The following MTUS2 variants were observed in gnomAD, a reference collection of about 807,000 sequenced individuals.
MTUS2 encodes microtubule-associated tumor suppressor candidate 2.
A neutral mutation model predicts 114.1 loss-of-function variants in MTUS2; 40 were observed. The ratio of observed to expected loss-of-function variants is 0.35; its 90% CI spans 0.27 to 0.46. The LOEUF (loss-of-function observed/expected upper bound fraction) is 0.46. Among genes scored for constraint, MTUS2 ranks in the 20% least tolerant of loss-of-function variants. MTUS2 has a pLI of 1.00. For missense variants in MTUS2, 1,679 were observed against 1,705.4 expected (o/e 0.98, Z 0.27); for synonymous variants, 688 against 672.0 (o/e 1.02, Z -0.37).
chr13:29,451,730 A>G (rs947020615), intron 9 of MTUS2, among the ~76,000 whole-genome samples: 4 of 151,942 alleles, frequency 2.6e-5, no homozygotes, highest in African/African-American at 9.7e-5. Flanking sequence ...GATTACAGGT[A>G]TGTGCCACCA....
intron 5 of MTUS2, among the ~76,000 whole-genome samples, chr13:29,195,760 A>T (rs938113597): frequency 1.2e-4 from 19 of 152,108 alleles, no homozygotes; most frequent in African/African-American, 4.6e-4. Flanking sequence ...TCATGAGGGG[A>T]AACAATCTCA....
chr13:29,490,532 C>T (rs576267888), intron 11 of MTUS2, among the ~76,000 whole-genome samples: 13 of 152,376 alleles, frequency 8.5e-5, no homozygotes, highest in Admixed American at 5.2e-4. Context: ...TCTTACATGA[C>T]ATCTCTTTCT....
At chr13:28,970,045 G>A (rs1883781162) in intron 2 of MTUS2, among the ~76,000 whole-genome samples, 1 of 152,220 alleles carries the variant, frequency 6.6e-6, no homozygotes, top group African/African-American at 2.4e-5. Context: ...CTCCCAAAGT[G>A]CGGGGATTAC....
At chr13:28,878,129 C>T (rs1420149931) in intron 2 of MTUS2, among the ~76,000 whole-genome samples, 7 of 151,814 alleles carry the variant, frequency 4.6e-5, no homozygotes, top group East Asian at 1.9e-4. Flanking sequence ...TTTTTGGTGA[C>T]GTTTAGTCTA....
At chr13:29,160,769 CAA>C (rs71090227) in intron 5 of MTUS2, among the ~76,000 whole-genome samples, 83 of 119,032 alleles carry the variant, frequency 7.0e-4, no homozygotes, top group East Asian at 2.6e-3. Context: ...GACTCCGTCT[CAA>C]AAAAAAAAAA....
intron 2 of MTUS2, among the ~76,000 whole-genome samples, chr13:28,846,156 C>T (rs1373470483): frequency 2.0e-5 from 3 of 151,608 alleles, no homozygotes; most frequent in Non-Finnish European, 4.4e-5. Context: ...CACTGTGGAT[C>T]GTGTTTAGGC....
At chr13:28,949,351 C>G (rs916135193) in intron 2 of MTUS2, among the ~76,000 whole-genome samples, 2 of 152,218 alleles carry the variant, frequency 1.3e-5, no homozygotes, top group African/African-American at 4.8e-5. Context: ...GGTTTGCTTA[C>G]TTGTTTCCAG....
intron 2 of MTUS2, among the ~76,000 whole-genome samples, chr13:28,850,636 T>C (rs1211072559): frequency 6.6e-6 from 1 of 152,248 alleles, no homozygotes; most frequent in East Asian, 1.9e-4. Flanking sequence ...AGAAGGGACT[T>C]GTGAAAATGA....
At chr13:29,004,127 C>A (rs1245615577) in intron 2 of MTUS2, among the ~76,000 whole-genome samples, 1 of 152,168 alleles carries the variant, frequency 6.6e-6, no homozygotes, top group African/African-American at 2.4e-5. Context: ...GAAACAATGA[C>A]AAATAATTCT....
chr13:28,892,152 A>T (rs1184183880), intron 2 of MTUS2, among the ~76,000 whole-genome samples: 2 of 151,820 alleles, frequency 1.3e-5, no homozygotes, highest in East Asian at 3.9e-4. Flanking sequence ...ATATTCCTGG[A>T]CTCCTTGAGG....
intron 6 of MTUS2, among the ~76,000 whole-genome samples, chr13:29,297,438 G>A (rs558518452): frequency 3.3e-5 from 5 of 152,274 alleles, no homozygotes; most frequent in Admixed American, 1.3e-4. Flanking sequence ...GTAGTTTAGA[G>A]AAATTAAGTA....
At chr13:29,217,290 T>C (rs894468054) in intron 5 of MTUS2, among the ~76,000 whole-genome samples, 2 of 152,198 alleles carry the variant, frequency 1.3e-5, no homozygotes, top group Non-Finnish European at 2.9e-5. Flanking sequence ...TTTTGAAATA[T>C]ATTCATATTG....
At position 29,445,516 on chromosome 13, in the gene MTUS2, G is replaced by T. The variant is rs549909748; in HGVS notation, c.3184+5467G>T. Among the ~76,000 whole-genome samples the T allele has an allele frequency of 4.6e-5, 7 of 152,288 alleles. No individual in the cohort carries two copies. The South Asian group carries it at 8.3e-4, about 18-fold the overall frequency. ...GCATAGAGCAAGGTATATGGCAGGG[G>T]GTGAGGTGGGGAGTTTCCATGCCCT... On this transcript the variant is annotated intron_variant, in intron 9 of 15. Transcript: ENST00000612955.
chr13:29,098,220 A>G (rs1890257220), intron 4 of MTUS2, among the ~76,000 whole-genome samples: 1 of 152,214 alleles, frequency 6.6e-6, no homozygotes, highest in Admixed American at 6.5e-5. Context: ...CTTCAACTAA[A>G]TATTTATCAA....
At chr13:29,058,179 T>G (rs1487639439) in intron 4 of MTUS2, among the ~76,000 whole-genome samples, 1 of 151,336 alleles carries the variant, frequency 6.6e-6, no homozygotes, top group Admixed American at 6.6e-5. Context: ...GGGGTGAGCT[T>G]CTTTTTCTCT....
At chr13:29,366,770 G>T (rs1443126147) in intron 8 of MTUS2, among the ~76,000 whole-genome samples, 1 of 152,162 alleles carries the variant, frequency 6.6e-6, no homozygotes, top group South Asian at 2.1e-4. Flanking sequence ...GAGACAGGGA[G>T]AGAGATAGCC....
intron 5 of MTUS2, among the ~76,000 whole-genome samples, chr13:29,146,417 GT>G (rs1238291911): frequency 1.3e-5 from 2 of 152,192 alleles, no homozygotes; most frequent in African/African-American, 4.8e-5. Flanking sequence ...TTAAAACAGA[GT>G]TACACTCGCA....
intron 8 of MTUS2, among the ~76,000 whole-genome samples, chr13:29,395,990 T>C (rs1873887906): frequency 1.3e-5 from 2 of 152,180 alleles, no homozygotes; most frequent in Admixed American, 6.5e-5. Context: ...AGAAACAATT[T>C]TGGGCTTCAT....
intron 2 of MTUS2, among the ~76,000 whole-genome samples, chr13:28,907,047 A>G (rs1196978599): frequency 1.3e-5 from 2 of 151,690 alleles, no homozygotes; most frequent in African/African-American, 4.9e-5. Flanking sequence ...GGCTAACAGC[A>G]GATCTCTCGG....
Sources: allele counts gnomAD v4.1 joint callset (sites outside exome capture counted in the v4.1 genomes callset), GRCh38; gene constraint gnomAD v4.1.1; transcripts MANE v1.5; gene names NCBI Gene and HGNC (gene_info 2026-07-23, HGNC 2026-07-21).